Variants in TAF4B observed in about 807,000 individuals in gnomAD.
TAF4B encodes the protein TATA-box binding protein associated factor 4b.
Under a neutral mutation model 86.4 loss-of-function variants are expected in TAF4B, and 38 were observed. The observed-to-expected ratio is 0.44, with a 90% CI of 0.34 to 0.58. The LOEUF (loss-of-function observed/expected upper bound fraction) is 0.58. Among genes scored for constraint, TAF4B ranks in the 20% least tolerant of loss-of-function variants. TAF4B has a pLI of 0.02. For synonymous variants in TAF4B, 388 were observed against 391.2 expected (o/e 0.99, Z 0.10); for missense variants, 988 against 1,027.6 (o/e 0.96, Z 0.53).
intron 9 of TAF4B, among the ~76,000 whole-genome samples, chr18:26,303,044 T>TCCTCCACTTTCATAACC (rs2056754020): frequency 7.0e-6 from 1 of 142,206 alleles, no homozygotes; most frequent in Non-Finnish European, 1.6e-5. Context: ...TTCCTTTTCT[T>TCCTCCACTTTCATAACC]CCTCCACTTT....
chr18:26,285,201 C>CTTCCT (rs1446322734), intron 6 of TAF4B, among the ~76,000 whole-genome samples: 8 of 24,820 alleles, frequency 3.2e-4, no homozygotes, highest in African/African-American at 5.5e-4. Context: ...AAGACTATTT[C>CTTCCT]TTCCTTTCCT....
At chr18:26,247,987 A>C (rs1197184494) in intron 1 of TAF4B, among the ~76,000 whole-genome samples, 1 of 130,640 alleles carries the variant, frequency 7.7e-6, no homozygotes, top group Non-Finnish European at 1.6e-5. Flanking sequence ...CAGTTCTCCT[A>C]CGTCAAACCT....
intron 1 of TAF4B, among the ~76,000 whole-genome samples, chr18:26,248,707 G>T (rs1441474353): frequency 4.1e-4 from 17 of 41,342 alleles, no homozygotes; most frequent in South Asian, 9.9e-4. Context: ...TTTTTTTTTT[G>T]GTACATTTGG....
chr18:26,340,541 T>C (rs781665249), intron 13 of TAF4B, among the ~76,000 whole-genome samples: 5 of 152,190 alleles, frequency 3.3e-5, no homozygotes, highest in Non-Finnish European at 7.4e-5. Flanking sequence ...ATTGATAGTC[T>C]AGGACAGTGG....
chr18:26,346,738 AATATATATATATATATGTGTGT>A (rs2057182769), intron 13 of TAF4B, among the ~76,000 whole-genome samples: 3 of 90,528 alleles, frequency 3.3e-5, no homozygotes, highest in Non-Finnish European at 6.7e-5. Context: ...GCTAGCCAAG[AATATATATATATATATGTGTGT>A]ATATATATAT....
chr18:26,253,520 G>A (rs1354084312), intron 1 of TAF4B, among the ~76,000 whole-genome samples: 1 of 152,142 alleles, frequency 6.6e-6, no homozygotes, highest in East Asian at 1.9e-4. Flanking sequence ...ATCCATAAGG[G>A]ATATTGACCT....
chr18:26,249,608 T>C (rs1256979668), intron 1 of TAF4B, among the ~76,000 whole-genome samples: 1 of 152,254 alleles, frequency 6.6e-6, no homozygotes, highest in African/African-American at 2.4e-5. Context: ...AAAAATGTTA[T>C]GCACACGTTC....
At chr18:26,331,465 C>T (rs552787208) in intron 12 of TAF4B, among the ~76,000 whole-genome samples, 118 of 152,038 alleles carry the variant, frequency 7.8e-4, no homozygotes, top group Non-Finnish European at 1.5e-3. Flanking sequence ...GGACTCATAC[C>T]ATTAACTCCC....
chr18:26,352,203 A>G (rs1399003059), intron 13 of TAF4B, among the ~76,000 whole-genome samples: 1 of 152,104 alleles, frequency 6.6e-6, no homozygotes, highest in African/African-American at 2.4e-5. Flanking sequence ...TGATTCAAAT[A>G]TACCATTTCA....
intron 7 of TAF4B, 29 bp from the exon 8 acceptor site, chr18:26,292,217 A>G: frequency 6.2e-7 from 1 of 1,605,488 alleles, no homozygotes; most frequent in Non-Finnish European, 8.5e-7. Flanking sequence ...TAAGTTGAAC[A>G]ACTATATTGA....
intron 1 of TAF4B, among the ~76,000 whole-genome samples, chr18:26,229,339 G>A (rs2055626484): frequency 6.6e-6 from 1 of 152,164 alleles, no homozygotes; most frequent in Admixed American, 6.5e-5. Flanking sequence ...ATTTTCTGCT[G>A]ACGTGTGGCA....
chr18:26,278,492 G>A (rs2144575353), intron 5 of TAF4B, among the ~76,000 whole-genome samples: 1 of 152,050 alleles, frequency 6.6e-6, no homozygotes, highest in Admixed American at 6.5e-5. Flanking sequence ...TTTTTTTGTA[G>A]TGACAGGGTT....
chr18:26,292,287 C>T lies in TAF4B; in HGVS notation c.1632C>T (p.Thr544=). 1 of 1,614,000 alleles carries T rather than the reference C, an allele frequency of 6.2e-7. No homozygotes were observed. Among genetic ancestry groups the T allele is most frequent in the South Asian group, 1.1e-5 (1 of 91,060 alleles). ...QPSGGNEKQV[T]TISHSSTLTI... ...CAGGAGGCAATGAAAAACAAGTGAC[C>T]ACAATTTCACATTCCTCAACATTGA... Residue 544 remains threonine (T), a synonymous_variant, in exon 8 of 15, where the codon ACC becomes ACT. Transcript: ENST00000269142.
intron 5 of TAF4B, among the ~76,000 whole-genome samples, chr18:26,280,414 A>G (rs1366534227): frequency 6.6e-6 from 1 of 152,224 alleles, no homozygotes; most frequent in Non-Finnish European, 1.5e-5. Context: ...CGAACTATAT[A>G]TCTGACAAAG....
intron 13 of TAF4B, among the ~76,000 whole-genome samples, chr18:26,339,389 A>G (rs1267118230): frequency 2.0e-5 from 3 of 152,134 alleles, no homozygotes; most frequent in Non-Finnish European, 4.4e-5. Context: ...GCAGTGACGC[A>G]ATCTGAGCTC....
At chr18:26,280,544 A>G (rs1043228021) in intron 5 of TAF4B, among the ~76,000 whole-genome samples, 4 of 152,240 alleles carry the variant, frequency 2.6e-5, no homozygotes, top group African/African-American at 9.6e-5. Flanking sequence ...GCCAACAAAC[A>G]TGAAAAGATG....
At position 26,341,632 on chromosome 18, in the gene TAF4B, A is replaced by T. The variant is rs74381475; in HGVS notation, c.2316+6401A>T. 5.5e-3 allele frequency among the ~76,000 whole-genome samples: 832 copies of T among 152,292 alleles called. 3 individuals carry two copies. Among genetic ancestry groups the T allele is most frequent in the Non-Finnish European group, 9.3e-3 (634 of 68,000 alleles). ...AGCAAGGCACCACAGTTTACGTATCAAATTCCAGGAATCTCAGATGTTCTG... is the reference window on the plus strand; with the variant it reads ...AGCAAGGCACCACAGTTTACGTATCTAATTCCAGGAATCTCAGATGTTCTG... On this transcript the variant is annotated intron_variant, in intron 13 of 14. Coordinates refer to ENST00000269142, the MANE Select transcript of TAF4B (RefSeq NM_005640.3).
intron 7 of TAF4B, among the ~76,000 whole-genome samples, chr18:26,287,536 G>C (rs2056540126): frequency 2.0e-5 from 3 of 152,106 alleles, no homozygotes; most frequent in Admixed American, 2.0e-4. Flanking sequence ...TTACCAGAAG[G>C]CTATGAAAGT....
At chr18:26,361,787 A>G (rs2057334030) in intron 14 of TAF4B, among the ~76,000 whole-genome samples, 2 of 151,154 alleles carry the variant, frequency 1.3e-5, no homozygotes, top group South Asian at 4.2e-4. Flanking sequence ...TTAGTTCAGC[A>G]TAGAATTTAT....
Sources: gnomAD v4.1 joint callset for allele counts (sites outside exome capture counted in the v4.1 genomes callset) on GRCh38, gnomAD v4.1.1 for gene constraint, MANE v1.5 for transcripts, NCBI Gene and HGNC (gene_info 2026-07-23, HGNC 2026-07-21) for gene names.